The following CCSER1 variants were observed in gnomAD, a reference collection of about 807,000 sequenced individuals.
CCSER1 encodes serine-rich coiled-coil domain-containing protein 1.
CCSER1 carries 41 observed loss-of-function variants against 82.0 expected under a neutral mutation model. The observed-to-expected ratio is 0.50, with a 90% confidence interval of 0.39 to 0.65. The LOEUF is 0.65. CCSER1 is among the 30% of genes least tolerant of loss of function. The pLI, the probability that CCSER1 is intolerant of heterozygous loss-of-function variation, is 0.00. For missense variants in CCSER1, 1,119 were observed against 1,064.2 expected (o/e 1.05, Z -0.72); for synonymous variants, 414 against 383.9 (o/e 1.08, Z -0.92).
chr4:90,140,713 A>G (rs1403181613), intron 1 of CCSER1, among the ~76,000 whole-genome samples: 1 of 117,920 alleles, frequency 8.5e-6, no homozygotes, highest in Non-Finnish European at 1.6e-5. Flanking sequence ...TTGCCAGGCT[A>G]GAGTGCTGTG....
chr4:91,135,878 T>C (rs1728418700), intron 10 of CCSER1, among the ~76,000 whole-genome samples: 1 of 152,232 alleles, frequency 6.6e-6, no homozygotes, highest in Non-Finnish European at 1.5e-5. Flanking sequence ...CTATATTTGA[T>C]GGTCCTGTGA....
At chr4:91,526,125 C>A (rs1361616555) in intron 10 of CCSER1, among the ~76,000 whole-genome samples, 2 of 152,128 alleles carry the variant, frequency 1.3e-5, no homozygotes, top group African/African-American at 2.4e-5. Flanking sequence ...AAGAGACAGG[C>A]ACCCTTTTAA....
Position 91,600,635 on chromosome 4 carries a change from G to A in CCSER1, c.*1578G>A, listed in dbSNP as rs1159274561. ...AATGTATTTGTGCCCTGTGCTTTGG[G>A]GAAAAGCCATTAGACACTCCACCCC... is the stretch of plus-strand genomic sequence containing the variant. On this transcript the variant is annotated 3_prime_UTR_variant, in exon 11 of 11. Transcript: ENST00000509176. 1 of 152,080 alleles carries A rather than the reference G, an allele frequency of 6.6e-6. No homozygotes were observed. Among genetic ancestry groups the A allele is most frequent in the East Asian group, 1.9e-4 (1 of 5,188 alleles). 9.4% of individuals were successfully genotyped at this position (152,080 alleles called of 1,614,324 possible).
intron 10 of CCSER1, among the ~76,000 whole-genome samples, chr4:91,176,523 G>A (rs905600324): frequency 1.1e-4 from 16 of 151,734 alleles, no homozygotes; most frequent in African/African-American, 3.6e-4. Flanking sequence ...GTAATTTGAA[G>A]AGGTCCTTCA....
chr4:91,091,981 G>A (rs1026809796), intron 10 of CCSER1, among the ~76,000 whole-genome samples: 9 of 152,290 alleles, frequency 5.9e-5, no homozygotes, highest in South Asian at 2.1e-4. Flanking sequence ...GGAGTACCTG[G>A]AAGTCCTCGC....
intron 10 of CCSER1, among the ~76,000 whole-genome samples, chr4:91,597,043 C>G (rs957015885): frequency 5.9e-5 from 9 of 151,926 alleles, no homozygotes; most frequent in African/African-American, 2.2e-4. Context: ...GAGGCATCAG[C>G]TCATATTACA....
At chr4:91,424,832 G>A in intron 10 of CCSER1, among the ~76,000 whole-genome samples, 1 of 151,970 alleles carries the variant, frequency 6.6e-6, no homozygotes, top group East Asian at 1.9e-4. Flanking sequence ...TTGTTTAATT[G>A]GTGTGAGTAT....
intron 3 of CCSER1, among the ~76,000 whole-genome samples, chr4:90,328,325 A>C (rs939294208): frequency 8.9e-6 from 1 of 111,910 alleles, no homozygotes; most frequent in Non-Finnish European, 1.7e-5. Context: ...CCTAATAGTT[A>C]ATGGATTCTC....
intron 9 of CCSER1, among the ~76,000 whole-genome samples, chr4:90,924,812 C>T (rs958578731): frequency 1.3e-4 from 20 of 151,990 alleles, no homozygotes; most frequent in African/African-American, 2.7e-4. Context: ...CTGCAACCTC[C>T]GCCTCCTGGG....
chr4:91,142,922 T>C (rs1368096580), intron 10 of CCSER1, among the ~76,000 whole-genome samples: 2 of 151,554 alleles, frequency 1.3e-5, no homozygotes, highest in Non-Finnish European at 2.9e-5. Flanking sequence ...TAATCCCTCC[T>C]GCTTTGTTCT....
chr4:91,366,638 G>C lies in CCSER1; in HGVS notation c.2218-231934G>C, dbSNP rs78700520. Among the ~76,000 whole-genome samples the C allele has an allele frequency of 7.0e-3, 1,068 of 152,258 alleles. 18 individuals are homozygous for C. The highest frequency in any genetic ancestry group is 0.024 in the African/African-American group (1,003 of 41,526). On this transcript the variant is annotated intron_variant, in intron 10 of 10. Transcript: ENST00000509176. The stretch of plus-strand genomic sequence containing the variant: ...TTGACCTTTTGAGTAAACAGAGCTA[G>C]CATGCTACAGCATAAGTTCATACTG...
At chr4:91,508,553 C>G in intron 10 of CCSER1, among the ~76,000 whole-genome samples, 1 of 142,312 alleles carries the variant, frequency 7.0e-6, no homozygotes, top group South Asian at 2.3e-4. Flanking sequence ...AGTTACTGGT[C>G]TGTAGTTTTT....
intron 8 of CCSER1, among the ~76,000 whole-genome samples, chr4:90,879,512 A>AGAG (rs70963090): frequency 0.014 from 1,772 of 128,724 alleles, 30 homozygotes; most frequent in African/African-American, 0.049. Flanking sequence ...AAGAAGAAGA[A>AGAG]GAAGAGGAAG....
At chr4:90,496,903 A>G (rs184692445) in intron 5 of CCSER1, among the ~76,000 whole-genome samples, 350 of 146,364 alleles carry the variant, frequency 2.4e-3, no homozygotes, top group Non-Finnish European at 3.1e-3. Context: ...GCTTGAACCC[A>G]GGAGGCGGAG....
rs575914439 is a variant in CCSER1 at position 91,359,733 on chromosome 4, A to AT, written c.2218-238831dup. 3.3e-3 allele frequency among the ~76,000 whole-genome samples: 504 copies of AT among 151,778 alleles called. 8 individuals carry two copies. Among genetic ancestry groups the AT allele is most frequent in the Non-Finnish European group, 5.7e-3 (383 of 67,786 alleles). On this transcript the variant is annotated intron_variant, in intron 10 of 10. Transcript: ENST00000509176. ...TGAAACAAAGGCAAACATAATTTTGATTTTTTTTAAGAAAATTACATGATG... is the reference window on the plus strand; with the variant it reads ...TGAAACAAAGGCAAACATAATTTTGATTTTTTTTTAAGAAAATTACATGATG...
At chr4:91,248,302 A>T (rs1581839894) in intron 10 of CCSER1, among the ~76,000 whole-genome samples, 1 of 152,352 alleles carries the variant, frequency 6.6e-6, no homozygotes, top group Middle Eastern at 3.4e-3. Flanking sequence ...TAATCCCTAC[A>T]CCTTAGGTTT....
intron 9 of CCSER1, among the ~76,000 whole-genome samples, chr4:91,045,567 C>T (rs907250203): frequency 6.6e-6 from 1 of 152,032 alleles, no homozygotes; most frequent in Non-Finnish European, 1.5e-5. Flanking sequence ...ATCTGCATGA[C>T]ATAAAAATAA....
intron 10 of CCSER1, among the ~76,000 whole-genome samples, chr4:91,584,816 T>G (rs528461792): frequency 6.6e-6 from 1 of 151,458 alleles, no homozygotes; most frequent in Non-Finnish European, 1.5e-5. Context: ...GCCTTAAAAA[T>G]TTTCTTCTTG....
rs1743170665 is a variant in CCSER1 at position 90,723,956 on chromosome 4, G to A, written c.1975G>A (p.Val659Ile). Residue 659 changes from valine to isoleucine, a missense_variant, in exon 7 of 11, where the codon GTT (valine) becomes ATT (isoleucine). Val to Ile is a conservative substitution (Grantham distance 29, BLOSUM62 3). Coordinates refer to ENST00000509176, the MANE Select transcript of CCSER1 (RefSeq NM_001145065.2). ...SPASSTTSLP[V>I]SPLTEEPVPF... Reference sequence around the variant, plus strand: ...AGCAAGCAGTACCACGTCACTTCCTGTTAGTCCTCTTACTGAAGAGCCAGT... The same window carrying A: ...AGCAAGCAGTACCACGTCACTTCCTATTAGTCCTCTTACTGAAGAGCCAGT... The A allele has an allele frequency of 6.3e-7, 1 of 1,583,970 alleles. No individual in the cohort carries two copies. The highest frequency in any genetic ancestry group is 1.2e-5 in the South Asian group (1 of 85,924).
Sources: allele counts gnomAD v4.1 joint callset (sites outside exome capture counted in the v4.1 genomes callset), GRCh38; gene constraint gnomAD v4.1.1; transcripts MANE v1.5; gene names NCBI Gene and HGNC (gene_info 2026-07-23, HGNC 2026-07-21).